PTPN4: variants seen among roughly 807,000 people sequenced by gnomAD.
PTPN4 encodes tyrosine-protein phosphatase non-receptor type 4.
In PTPN4, 49 loss-of-function variants were observed where a neutral mutation model predicts 135.5. The ratio of observed to expected loss-of-function variants is 0.36; its 90% confidence interval spans 0.29 to 0.46. The LOEUF (loss-of-function observed/expected upper bound fraction) is 0.46. Ranked by LOEUF, PTPN4 falls within the 20% of genes least tolerant of loss-of-function variation. The pLI is 1.00. For missense variants in PTPN4, 860 were observed against 1,101.0 expected, an observed-to-expected ratio of 0.78 and a Z score of 3.10; for synonymous variants, 333 against 369.9, an observed-to-expected ratio of 0.90 and a Z score of 1.14.
chr2:119,960,825 A>C lies in PTPN4; in HGVS notation c.2152A>C (p.Ser718Arg). The C allele has an allele frequency of 1.2e-6, 2 of 1,606,106 alleles. No homozygotes were observed. The highest frequency in any genetic ancestry group is 1.7e-6 in the Non-Finnish European group (2 of 1,178,150). The stretch of plus-strand genomic sequence containing the variant: ...TTTTTAGATGGAAATTCCTTCTTCC[A>C]GCATTATAAATCAGTACATTGCTTG... ...NYINMEIPSS[S>R]IINQYIACQG... Residue 718 changes from serine to arginine, a missense_variant, in exon 23 of 27, where the codon AGC becomes CGC. By Grantham distance (110) the Ser-to-Arg change is moderately radical. Around this residue, in one of 2 missense-constraint regions of PTPN4, gnomAD observed 176 missense variants for 294.1 expected, o/e 0.60. Coordinates refer to ENST00000263708, the MANE Select transcript of PTPN4 (RefSeq NM_002830.4).
chr2:119,893,373 T>G (rs1678270559), intron 9 of PTPN4, among the ~76,000 whole-genome samples: 1 of 152,190 alleles, frequency 6.6e-6, no homozygotes, highest in East Asian at 1.9e-4. Flanking sequence ...GGGAAAGACC[T>G]GGGAGAAGTA....
intron 26 of PTPN4, among the ~76,000 whole-genome samples, chr2:119,974,113 G>C (rs1254427280): frequency 6.6e-6 from 1 of 152,158 alleles, no homozygotes; most frequent in Non-Finnish European, 1.5e-5. Context: ...CTTCCTCCAA[G>C]GGTGATGACT....
chr2:119,765,715 A>G (rs1014252974), intron 1 of PTPN4, among the ~76,000 whole-genome samples: 12 of 152,234 alleles, frequency 7.9e-5, no homozygotes, highest in Non-Finnish European at 5.9e-5. Flanking sequence ...TGACAGTGTA[A>G]TAAGATCTGG....
chr2:119,845,037 G>A (rs1481481014), intron 2 of PTPN4, among the ~76,000 whole-genome samples: 3 of 149,456 alleles, frequency 2.0e-5, no homozygotes, highest in African/African-American at 4.9e-5. Flanking sequence ...GATCACTCGC[G>A]GTTAGGGGCT....
intron 2 of PTPN4, among the ~76,000 whole-genome samples, chr2:119,813,870 C>A (rs1489059635): frequency 6.6e-6 from 1 of 152,148 alleles, no homozygotes; most frequent in African/African-American, 2.4e-5. Context: ...CCAGAAATTT[C>A]ATCCCAGAAC....
intron 26 of PTPN4, among the ~76,000 whole-genome samples, chr2:119,974,557 T>C (rs1679587302): frequency 6.6e-6 from 1 of 152,150 alleles, no homozygotes; most frequent in Non-Finnish European, 1.5e-5. Flanking sequence ...TTTTGGCCAG[T>C]GGGAGCCTGT....
At chr2:119,845,748 G>A (rs979499113) in intron 2 of PTPN4, among the ~76,000 whole-genome samples, 5 of 151,754 alleles carry the variant, frequency 3.3e-5, no homozygotes, top group African/African-American at 9.7e-5. Context: ...CTTTCTTTGT[G>A]CTTTGGGTTT....
At chr2:119,787,031 G>T (rs1005622169) in intron 1 of PTPN4, among the ~76,000 whole-genome samples, 4 of 152,168 alleles carry the variant, frequency 2.6e-5, no homozygotes, top group Admixed American at 2.0e-4. Context: ...GGACAATGGT[G>T]GGAGAGATAA....
chr2:119,904,183 CCATT>C (rs1678450647), intron 10 of PTPN4, among the ~76,000 whole-genome samples: 1 of 151,120 alleles, frequency 6.6e-6, no homozygotes, highest in Non-Finnish European at 1.5e-5. Context: ...ATCAAGAAAA[CCATT>C]CATAATCTGA....
At chr2:119,825,629 A>G (rs1478391586) in intron 2 of PTPN4, among the ~76,000 whole-genome samples, 3 of 151,266 alleles carry the variant, frequency 2.0e-5, no homozygotes, top group Non-Finnish European at 4.4e-5. Context: ...CCGAGTAGCT[A>G]GGATTACAGA....
chr2:119,891,067 A>G (rs1294539277), intron 9 of PTPN4, among the ~76,000 whole-genome samples: 2 of 152,176 alleles, frequency 1.3e-5, no homozygotes, highest in African/African-American at 4.8e-5. Context: ...CATGCAGAAC[A>G]CCTCTTTACA....
intron 3 of PTPN4, among the ~76,000 whole-genome samples, chr2:119,873,453 A>G (rs1043567501): frequency 6.6e-6 from 1 of 152,158 alleles, no homozygotes; most frequent in Non-Finnish European, 1.5e-5. Context: ...CAGATACAAA[A>G]ATTAACTTTG....
chr2:119,888,001 G>T (rs1298610539), intron 9 of PTPN4, among the ~76,000 whole-genome samples: 1 of 152,078 alleles, frequency 6.6e-6, no homozygotes, highest in Non-Finnish European at 1.5e-5. Flanking sequence ...AGATCCAAAG[G>T]CATGGGATTT....
intron 9 of PTPN4, among the ~76,000 whole-genome samples, chr2:119,895,522 C>T (rs577373556): frequency 1.3e-5 from 2 of 152,118 alleles, no homozygotes; most frequent in South Asian, 4.2e-4. Context: ...TGCCTGTAAT[C>T]CCAGCTACTC....
intron 23 of PTPN4, 35 bp downstream of exon 23, chr2:119,960,988 C>G (rs770117578): frequency 3.8e-6 from 6 of 1,594,368 alleles, no homozygotes; most frequent in Non-Finnish European, 4.3e-6. Context: ...ATTGCTTGGA[C>G]TTTTTTCAAA....
chr2:119,764,758 A>G (rs1398126048), intron 1 of PTPN4, among the ~76,000 whole-genome samples: 3 of 152,114 alleles, frequency 2.0e-5, no homozygotes, highest in African/African-American at 7.2e-5. Context: ...TTCATTTTTC[A>G]ACAATGCTAC....
At chr2:119,768,548 T>A (rs1301070710) in intron 1 of PTPN4, among the ~76,000 whole-genome samples, 1 of 152,206 alleles carries the variant, frequency 6.6e-6, no homozygotes, top group Non-Finnish European at 1.5e-5. Context: ...AATTCCAATC[T>A]AACATCTCAG....
At chr2:119,919,930 G>T in intron 11 of PTPN4, 139 bp from the exon 12 acceptor site, 5 of 1,074,262 alleles carry the variant, frequency 4.7e-6, no homozygotes, top group African/African-American at 1.7e-5. Flanking sequence ...CTAGATAAAA[G>T]ATCCCATAGG....
At position 119,979,169 on chromosome 2, in the gene PTPN4, C is replaced by T. The variant is rs1205950941; in HGVS notation, c.*2099C>T. ...ATGTCGGGGTCTACACATTAAATGA[C>T]TGTTTTGGCAGTTTTTCACCTGAAT... On this transcript the variant is annotated 3_prime_UTR_variant, in exon 27 of 27. Coordinates refer to ENST00000263708, the MANE Select transcript of PTPN4 (RefSeq NM_002830.4). 6.6e-6 allele frequency: 1 copy of T among 152,000 alleles called. No individual in the cohort carries two copies. The highest frequency in any genetic ancestry group is 1.5e-5 in the Non-Finnish European group (1 of 67,938). 9.4% of individuals were successfully genotyped at this position (152,000 alleles called of 1,614,324 possible).
Sources: allele counts gnomAD v4.1 joint callset (sites outside exome capture counted in the v4.1 genomes callset), GRCh38; gene constraint gnomAD v4.1.1; regional missense constraint gnomAD v4.1.1; transcripts MANE v1.5; gene names NCBI Gene and HGNC (gene_info 2026-07-23, HGNC 2026-07-21).